ATRNL1: variants seen among roughly 807,000 people sequenced by gnomAD.
The protein encoded by ATRNL1 is attractin-like protein 1.
ATRNL1 carries 95 observed loss-of-function variants against 182.7 expected under a neutral mutation model. The observed-to-expected ratio is 0.52, with a 90% CI of 0.44 to 0.62. The LOEUF (loss-of-function observed/expected upper bound fraction) is 0.62, where lower values mean the gene tolerates loss of function less well. Among genes scored for constraint, ATRNL1 ranks in the 20% least tolerant of loss-of-function variants. The pLI is 0.00. For missense variants in ATRNL1, 1,471 were observed against 1,679.5 expected (o/e 0.88, Z 2.17); for synonymous variants, 576 against 568.3 (o/e 1.01, Z -0.19).
intron 19 of ATRNL1, among the ~76,000 whole-genome samples, chr10:115,372,538 G>T (rs592284): frequency 0.88 from 134,277 of 152,218 alleles, 60,093 homozygotes; most frequent in African/African-American, 0.98. Context: ...CCATTTTGAG[G>T]TTATTTTTGA....
At chr10:115,213,707 A>G (rs1415003897) in intron 8 of ATRNL1, among the ~76,000 whole-genome samples, 20 of 152,122 alleles carry the variant, frequency 1.3e-4, no homozygotes, top group Non-Finnish European at 2.8e-4. Context: ...CAATTTTTCT[A>G]GCTTTGAATT....
intron 19 of ATRNL1, among the ~76,000 whole-genome samples, chr10:115,371,714 G>A (rs1857405652): frequency 6.6e-6 from 1 of 152,140 alleles, no homozygotes; most frequent in Admixed American, 6.5e-5. Flanking sequence ...ATGAGACTGT[G>A]GACTTTTCAG....
rs1466947157 is a variant in ATRNL1 at position 115,129,368 on chromosome 10, G to A, written c.662G>A (p.Cys221Tyr). ...AACAATTGCTCTGGTCATGGGAAGTGTACAACTAGTGTCTCTGTTCCAAGT... is the reference window on the plus strand; with the variant it reads ...AACAATTGCTCTGGTCATGGGAAGTATACAACTAGTGTCTCTGTTCCAAGT... ...CPNNCSGHGKCTTSVSVPSQV... is the reference protein window; with the variant it reads ...CPNNCSGHGKYTTSVSVPSQV... The change falls in exon 5 of 29, where the codon TGT becomes TAT. Residue 221 changes from cysteine (C) to tyrosine (Y), a missense_variant. Around this residue, in one of 3 missense-constraint regions of ATRNL1, gnomAD observed 1,031 missense variants for 1,156.0 expected, o/e 0.89. Transcript: ENST00000355044. 3.7e-6 allele frequency: 6 copies of A among 1,613,618 alleles called. No homozygotes were observed. The highest frequency in any genetic ancestry group is 5.1e-6 in the Non-Finnish European group (6 of 1,179,682).
rs1485854112 is a variant in ATRNL1, at chr10:115,711,790, T to C, written c.3796-15458T>C. Among the ~76,000 whole-genome samples, 5 of 152,168 alleles carry C rather than the reference T, an allele frequency of 3.3e-5. No individual in the cohort carries two copies. The East Asian group carries it at 7.7e-4, about 23-fold the overall frequency. On this transcript the variant is annotated intron_variant, in intron 26 of 28. Coordinates refer to ENST00000355044, the MANE Select transcript of ATRNL1 (RefSeq NM_207303.4). ...AACTTATTTCTTATCTTAAATTATA[T>C]ATAACTCTATGGCCATATTAAATAA...
At chr10:115,619,999 G>C (rs1366689610) in intron 26 of ATRNL1, among the ~76,000 whole-genome samples, 1 of 152,166 alleles carries the variant, frequency 6.6e-6, no homozygotes, top group African/African-American at 2.4e-5. Context: ...TATTTAATTA[G>C]TCGTTTTGTT....
At chr10:115,797,272 A>G (rs1475493867) in intron 27 of ATRNL1, among the ~76,000 whole-genome samples, 2 of 152,240 alleles carry the variant, frequency 1.3e-5, no homozygotes, top group African/African-American at 2.4e-5. Flanking sequence ...TTCAAAAAGT[A>G]GGAAAAATAG....
At chr10:115,339,150 T>C (rs1855624970) in intron 19 of ATRNL1, among the ~76,000 whole-genome samples, 1 of 152,176 alleles carries the variant, frequency 6.6e-6, no homozygotes. Flanking sequence ...TGAAGTCAGG[T>C]AATGTCATTC....
intron 26 of ATRNL1, among the ~76,000 whole-genome samples, chr10:115,659,602 T>G (rs536390706): frequency 2.6e-5 from 4 of 152,238 alleles, no homozygotes; most frequent in African/African-American, 9.6e-5. Context: ...TACAGTTATT[T>G]ATGCAGTTAT....
At chr10:115,201,752 T>C (rs1848588991) in intron 8 of ATRNL1, among the ~76,000 whole-genome samples, 1 of 152,122 alleles carries the variant, frequency 6.6e-6, no homozygotes, top group Non-Finnish European at 1.5e-5. Context: ...AAGTAGTTTT[T>C]TCCAATTCTG....
At chr10:115,781,638 A>G (rs1313292691) in intron 27 of ATRNL1, among the ~76,000 whole-genome samples, 1 of 152,192 alleles carries the variant, frequency 6.6e-6, no homozygotes, top group Non-Finnish European at 1.5e-5. Flanking sequence ...AAGCCAGCAT[A>G]GTTGTTACCC....
At chr10:115,360,938 GAAGTTATGTTA>G (rs1856716729) in intron 19 of ATRNL1, among the ~76,000 whole-genome samples, 1 of 151,842 alleles carries the variant, frequency 6.6e-6, no homozygotes, top group South Asian at 2.1e-4. Flanking sequence ...GAATACCTCT[GAAGTTATGTTA>G]AATTCTTACC....
intron 19 of ATRNL1, among the ~76,000 whole-genome samples, chr10:115,380,310 T>A (rs570675569): frequency 6.7e-4 from 102 of 152,314 alleles, no homozygotes; most frequent in African/African-American, 2.3e-3. Flanking sequence ...TGTTCTACAG[T>A]ATTTCATAAT....
At chr10:115,182,440 A>G (rs1847784366) in intron 8 of ATRNL1, among the ~76,000 whole-genome samples, 1 of 151,656 alleles carries the variant, frequency 6.6e-6, no homozygotes, top group Non-Finnish European at 1.5e-5. Flanking sequence ...GAAAAAACTC[A>G]GAAATATGCA....
At chr10:115,788,575 G>A (rs1555080960) in intron 27 of ATRNL1, among the ~76,000 whole-genome samples, 2 of 152,124 alleles carry the variant, frequency 1.3e-5, no homozygotes, top group East Asian at 1.9e-4. Flanking sequence ...CTTTTGTGGG[G>A]GCAAGGAGAT....
chr10:115,209,427 T>C (rs1013885461), intron 8 of ATRNL1, among the ~76,000 whole-genome samples: 1 of 150,090 alleles, frequency 6.7e-6, no homozygotes, highest in Non-Finnish European at 1.5e-5. Context: ...ATTTTGTTTT[T>C]TTTTTTTTCT....
chr10:115,823,085 G>A (rs1364542227), intron 27 of ATRNL1, among the ~76,000 whole-genome samples: 2 of 152,110 alleles, frequency 1.3e-5, no homozygotes, highest in Non-Finnish European at 2.9e-5. Context: ...TATTCACCAC[G>A]ATCAAGTCAG....
chr10:115,684,351 C>A (rs1161018161), intron 26 of ATRNL1, among the ~76,000 whole-genome samples: 2 of 150,904 alleles, frequency 1.3e-5, no homozygotes, highest in East Asian at 3.9e-4. Flanking sequence ...AAATATTTTT[C>A]TCTGTGTGTC....
At chr10:115,550,779 A>T (rs570690884) in intron 26 of ATRNL1, among the ~76,000 whole-genome samples, 6 of 151,820 alleles carry the variant, frequency 4.0e-5, no homozygotes, top group Non-Finnish European at 7.4e-5. Context: ...TAGATTCAGG[A>T]AGGAAAAATC....
intron 28 of ATRNL1, among the ~76,000 whole-genome samples, chr10:115,866,927 C>T (rs1247759250): frequency 4.6e-5 from 7 of 152,118 alleles, no homozygotes; most frequent in African/African-American, 1.7e-4. Context: ...ATGTGTGTCA[C>T]CAGCAGCTTA....
Sources: allele counts gnomAD v4.1 joint callset (sites outside exome capture counted in the v4.1 genomes callset), GRCh38; gene constraint gnomAD v4.1.1; regional missense constraint gnomAD v4.1.1; transcripts MANE v1.5; gene names NCBI Gene and HGNC (gene_info 2026-07-23, HGNC 2026-07-21).